The following PAX8 variants were observed in gnomAD, a reference collection of about 807,000 sequenced individuals.
The protein encoded by PAX8 is paired box 8, also known as paired box protein Pax-8.
A neutral mutation model predicts 52.4 loss-of-function variants in PAX8; 15 were observed. The observed-to-expected ratio is 0.29, with a 90% CI of 0.19 to 0.44. The LOEUF (loss-of-function observed/expected upper bound fraction) is 0.44. PAX8 is among the 20% of genes least tolerant of loss of function. The probability of loss-of-function intolerance (pLI) is 1.00; values close to 1 mark genes in which losing one functional copy is unlikely to be tolerated. For missense variants in PAX8, 554 were observed against 602.5 expected (o/e 0.92, Z 0.84); for synonymous variants, 284 against 249.7 (o/e 1.14, Z -1.29).
chr2:113,220,222 T>A, intron 10 of PAX8, 44 bp from the exon 11 acceptor site: 1 of 1,459,594 alleles, frequency 6.9e-7, no homozygotes. Context: ...GTGAAGGGCA[T>A]CAATGCAGGG....
chr2:113,229,129 A>T (rs994944220), intron 9 of PAX8, among the ~76,000 whole-genome samples: 1 of 152,178 alleles, frequency 6.6e-6, no homozygotes, highest in African/African-American at 2.4e-5. Context: ...AACAAAAACC[A>T]GGCACACACA....
intron 10 of PAX8, chr2:113,226,243 G>T: frequency 1.0e-6 from 1 of 985,374 alleles, no homozygotes; most frequent in African/African-American, 1.7e-5. Flanking sequence ...AAGTCTCTGG[G>T]GTCACAGCCA....
intron 2 of PAX8, among the ~76,000 whole-genome samples, chr2:113,258,539 C>T (rs1692426973): frequency 6.6e-6 from 1 of 152,202 alleles, no homozygotes; most frequent in Non-Finnish European, 1.5e-5. Flanking sequence ...TTTTGGCCAT[C>T]CCCCTTCCCT....
At chr2:113,262,563 T>G (rs1041680706) in intron 2 of PAX8, among the ~76,000 whole-genome samples, 1 of 152,200 alleles carries the variant, frequency 6.6e-6, no homozygotes, top group African/African-American at 2.4e-5. Context: ...TTAGGTGTTA[T>G]GAATTGAATA....
Position 113,242,160 on chromosome 2 carries a change from G to C in PAX8, c.479-30C>G, listed in dbSNP as rs550370381. On this transcript the variant is annotated intron_variant, in intron 5 of 11. Transcript: ENST00000429538. ...AGTGGGGGAGAGGGAGAGGGTCAGG[G>C]GTGGGAGTGACACCCCTCACAGCCC... 3.1e-6 allele frequency: 5 copies of C among 1,602,734 alleles called. No individual in the cohort carries two copies. The East Asian group carries it at 9.0e-5, about 29-fold the overall frequency.
Position 113,220,324 on chromosome 2 carries a change from C to T in PAX8, c.1190-146G>A, listed in dbSNP as rs556765795. 83 of 654,850 alleles carry T rather than the reference C, an allele frequency of 1.3e-4. No homozygotes were observed. The East Asian group carries it at 2.2e-3, about 17-fold the overall frequency. 40.6% of individuals were successfully genotyped at this position (654,850 alleles called of 1,614,324 possible). A position where few individuals can be genotyped will look rare whatever the true frequency, so the allele number is the denominator to read the frequency against. On this transcript the variant is annotated intron_variant, in intron 10 of 11. Transcript: ENST00000429538. ...GAGCCACGGCAGGGACAATGGAGCT[C>T]AGAAGGTCCCTCTGTCATCCCTTTT...
At chr2:113,257,277 A>G (rs1242357202) in intron 2 of PAX8, among the ~76,000 whole-genome samples, 1 of 152,106 alleles carries the variant, frequency 6.6e-6, no homozygotes, top group Non-Finnish European at 1.5e-5. Context: ...AGTGCCCATG[A>G]CTAGGCTGTT....
intron 2 of PAX8, among the ~76,000 whole-genome samples, chr2:113,262,630 A>T (rs1199598946): frequency 1.3e-5 from 2 of 152,186 alleles, no homozygotes; most frequent in African/African-American, 4.8e-5. Context: ...GTCTTTGCAG[A>T]TGATCTAGTT....
chr2:113,220,427 C>T, intron 10 of PAX8: 3 of 468,968 alleles, frequency 6.4e-6, no homozygotes, highest in Non-Finnish European at 3.9e-6. Context: ...CATACTACAG[C>T]CCTCCCAGGA....
intron 2 of PAX8, among the ~76,000 whole-genome samples, chr2:113,253,875 T>C (rs1691984760): frequency 6.6e-6 from 1 of 152,238 alleles, no homozygotes; most frequent in Non-Finnish European, 1.5e-5. Flanking sequence ...GGAGGTATCA[T>C]AGATAAATTT....
chr2:113,278,267 C>G (rs1040331383), intron 2 of PAX8, 103 bp downstream of exon 2: 8 of 986,438 alleles, frequency 8.1e-6, no homozygotes, highest in Non-Finnish European at 1.1e-5. Context: ...GGGTGGGTCC[C>G]GCGAATCCCG....
chr2:113,245,472 G>T (rs923759373), intron 3 of PAX8, among the ~76,000 whole-genome samples: 13 of 152,028 alleles, frequency 8.6e-5, no homozygotes, highest in African/African-American at 3.1e-4. Context: ...TCACCCCCCT[G>T]GTCACTGGTT....
At chr2:113,241,287 G>A in intron 7 of PAX8, 1 of 584,614 alleles carries the variant, frequency 1.7e-6, no homozygotes. Context: ...GCAAGGGATA[G>A]CATCATCAGG....
At position 113,217,827 on chromosome 2, in the gene PAX8, T is replaced by G. The variant is rs1430726207; in HGVS notation, c.*706A>C. 4.3e-6 allele frequency: 1 copy of G among 233,198 alleles called. No individual in the cohort carries two copies. Among genetic ancestry groups the G allele is most frequent in the Non-Finnish European group, 8.5e-6 (1 of 118,156 alleles). 14.4% of individuals were successfully genotyped at this position (233,198 alleles called of 1,614,324 possible). Reference sequence around the variant, plus strand: ...TGGCTGACGGCAGCTGCCAAGGGGATGCCGCACTGCAGGAGGACCTGGGGT... The same window carrying G: ...TGGCTGACGGCAGCTGCCAAGGGGAGGCCGCACTGCAGGAGGACCTGGGGT... On this transcript the variant is annotated 3_prime_UTR_variant, in exon 12 of 12. Coordinates refer to ENST00000429538, the MANE Select transcript of PAX8 (RefSeq NM_003466.4).
chr2:113,254,504 T>C (rs1692042507), intron 2 of PAX8, among the ~76,000 whole-genome samples: 1 of 152,158 alleles, frequency 6.6e-6, no homozygotes, highest in Non-Finnish European at 1.5e-5. Flanking sequence ...CTGGACTCAT[T>C]GGTCTCCACA....
At chr2:113,228,584 C>T (rs1689715831) in intron 9 of PAX8, among the ~76,000 whole-genome samples, 1 of 152,212 alleles carries the variant, frequency 6.6e-6, no homozygotes. Context: ...CAGACATTGC[C>T]ATATGTCCTC....
chr2:113,271,771 A>G (rs1693474768), intron 2 of PAX8: 1 of 149,008 alleles, frequency 6.7e-6, no homozygotes, highest in Non-Finnish European at 1.5e-5. Context: ...GGAAAGGGGA[A>G]TTGGAGTCTT....
intron 2 of PAX8, chr2:113,273,098 G>A (rs1220757824): frequency 6.6e-6 from 1 of 152,204 alleles, no homozygotes; most frequent in Non-Finnish European, 1.5e-5. Context: ...GGAGAACTCA[G>A]CACTTCTTGG....
At chr2:113,236,536 T>C in intron 8 of PAX8, 65 bp downstream of exon 8, 4 of 1,524,668 alleles carry the variant, frequency 2.6e-6, no homozygotes, top group Non-Finnish European at 3.5e-6. Flanking sequence ...ACCTTCCGCC[T>C]GACAGCCAGC....
Sources: gnomAD v4.1 joint callset for allele counts (sites outside exome capture counted in the v4.1 genomes callset) on GRCh38, gnomAD v4.1.1 for gene constraint, MANE v1.5 for transcripts, NCBI Gene and HGNC (gene_info 2026-07-23, HGNC 2026-07-21) for gene names.